The following CTNNA3 variants were observed in gnomAD, a reference collection of about 807,000 sequenced individuals.
The protein encoded by CTNNA3 is catenin alpha-3.
A neutral mutation model predicts 95.7 loss-of-function variants in CTNNA3; 76 were observed. The ratio of observed to expected loss-of-function variants is 0.79; its 90% CI spans 0.66 to 0.96. The LOEUF (loss-of-function observed/expected upper bound fraction) is 0.96. Among genes scored for constraint, CTNNA3 ranks in the 40% least tolerant of loss-of-function variants. The pLI is 0.00. For missense variants in CTNNA3, 1,191 were observed against 1,089.8 expected, an observed-to-expected ratio of 1.09 and a Z score of -1.31; for synonymous variants, 431 against 374.4, an observed-to-expected ratio of 1.15 and a Z score of -1.74.
intron 5 of CTNNA3, among the ~76,000 whole-genome samples, chr10:67,273,339 A>G (rs1294830537): frequency 6.6e-6 from 1 of 152,182 alleles, no homozygotes; most frequent in Non-Finnish European, 1.5e-5. Context: ...AGAAAGACAT[A>G]TAAATGGCCA....
intron 11 of CTNNA3, among the ~76,000 whole-genome samples, chr10:66,457,346 T>C (rs983384283): frequency 6.6e-6 from 1 of 151,810 alleles, no homozygotes; most frequent in African/African-American, 2.4e-5. Flanking sequence ...TAAAGCACTC[T>C]CGAAACTCAA....
intron 6 of CTNNA3, among the ~76,000 whole-genome samples, chr10:67,197,452 TA>T (rs546979996): frequency 6.6e-6 from 1 of 151,800 alleles, no homozygotes; most frequent in Admixed American, 6.6e-5. Context: ...AGTAGAGCAT[TA>T]AAAAAAAGTA....
chr10:66,138,719 T>A (rs1203373987), intron 13 of CTNNA3, among the ~76,000 whole-genome samples: 2 of 152,048 alleles, frequency 1.3e-5, no homozygotes, highest in Non-Finnish European at 2.9e-5. Context: ...ATCAGCCAGG[T>A]GTGGTGGCAT....
At chr10:66,049,415 G>A (rs182503684) in intron 15 of CTNNA3, among the ~76,000 whole-genome samples, 6 of 152,160 alleles carry the variant, frequency 3.9e-5, no homozygotes, top group East Asian at 1.9e-4. Flanking sequence ...ACTACCATTC[G>A]GCTCAGCAAT....
At chr10:67,109,391 A>T (rs548320825) in intron 7 of CTNNA3, among the ~76,000 whole-genome samples, 1 of 152,312 alleles carries the variant, frequency 6.6e-6, no homozygotes, top group South Asian at 2.1e-4. Flanking sequence ...ACTTCTCTTT[A>T]TGAGAATACC....
At chr10:67,581,160 G>T (rs1842379780) in intron 3 of CTNNA3, among the ~76,000 whole-genome samples, 1 of 152,116 alleles carries the variant, frequency 6.6e-6, no homozygotes, top group Admixed American at 6.5e-5. Context: ...AATGCTTCCG[G>T]TTTTCGCCCA....
intron 1 of CTNNA3, among the ~76,000 whole-genome samples, chr10:67,660,114 T>C (rs941420518): frequency 2.0e-5 from 3 of 152,222 alleles, no homozygotes; most frequent in Non-Finnish European, 2.9e-5. Flanking sequence ...CATTCTGTCA[T>C]AATCCTTGAA....
chr10:66,548,078 G>C (rs570003722), intron 10 of CTNNA3, among the ~76,000 whole-genome samples: 1 of 152,026 alleles, frequency 6.6e-6, no homozygotes, highest in Admixed American at 6.5e-5. Context: ...ACCATGTCCG[G>C]CTCCCATTTT....
chr10:67,628,878 G>C (rs531196970), intron 2 of CTNNA3, among the ~76,000 whole-genome samples: 1 of 151,304 alleles, frequency 6.6e-6, no homozygotes, highest in South Asian at 2.1e-4. Flanking sequence ...TTTCTTGAAA[G>C]CTCTTCCCAA....
At chr10:67,552,280 T>C (rs1841060893) in intron 3 of CTNNA3, among the ~76,000 whole-genome samples, 1 of 152,194 alleles carries the variant, frequency 6.6e-6, no homozygotes, top group Admixed American at 6.5e-5. Flanking sequence ...TTTTTTTCGT[T>C]GTTAGAGGTT....
chr10:67,011,006 A>T (rs1164653093), intron 7 of CTNNA3, among the ~76,000 whole-genome samples: 1 of 152,148 alleles, frequency 6.6e-6, no homozygotes, highest in Admixed American at 6.5e-5. Flanking sequence ...ATCTCATATT[A>T]TTAAACTGAA....
intron 4 of CTNNA3, among the ~76,000 whole-genome samples, chr10:67,525,953 T>C (rs1278270828): frequency 6.6e-6 from 1 of 152,194 alleles, no homozygotes; most frequent in African/African-American, 2.4e-5. Context: ...CAAAAGGGTA[T>C]ACAGTAAGTG....
chr10:67,012,318 C>A (rs918333416), intron 7 of CTNNA3: 1 of 152,198 alleles, frequency 6.6e-6, no homozygotes, highest in Non-Finnish European at 1.5e-5. Flanking sequence ...AATGCCACCA[C>A]CTCGGTGCCA....
intron 9 of CTNNA3, among the ~76,000 whole-genome samples, chr10:66,652,110 A>G (rs1845930088): frequency 6.6e-6 from 1 of 151,594 alleles, no homozygotes; most frequent in Non-Finnish European, 1.5e-5. Context: ...AAAAAAAAAA[A>G]AAAAAAAAAC....
intron 3 of CTNNA3, among the ~76,000 whole-genome samples, chr10:67,566,033 ATG>A (rs778991249): frequency 0.014 from 820 of 59,750 alleles, 111 homozygotes; most frequent in African/African-American, 0.057. Flanking sequence ...ACACACACAT[ATG>A]TGTGTGTGTA....
intron 7 of CTNNA3, among the ~76,000 whole-genome samples, chr10:66,983,490 A>G (rs1417236331): frequency 6.6e-6 from 1 of 152,176 alleles, no homozygotes; most frequent in African/African-American, 2.4e-5. Flanking sequence ...ATACAGAAGG[A>G]CTGCATTTGT....
chr10:66,102,481 G>A (rs960805457), intron 14 of CTNNA3, among the ~76,000 whole-genome samples: 6 of 152,152 alleles, frequency 3.9e-5, no homozygotes, highest in Non-Finnish European at 7.3e-5. Flanking sequence ...GGAGGTGGCA[G>A]ATGCACATGC....
chr10:67,717,559 A>G (rs1166594658), intron 1 of CTNNA3, among the ~76,000 whole-genome samples: 1 of 152,124 alleles, frequency 6.6e-6, no homozygotes, highest in Non-Finnish European at 1.5e-5. Context: ...TCCCAACACC[A>G]TTTATTAAAT....
chr10:66,773,434 C>T (rs1840174337), intron 8 of CTNNA3, among the ~76,000 whole-genome samples: 1 of 152,152 alleles, frequency 6.6e-6, no homozygotes, highest in Non-Finnish European at 1.5e-5. Flanking sequence ...ATCTAGGCTA[C>T]CCTGCTAGAG....
Sources: allele counts gnomAD v4.1 joint callset (sites outside exome capture counted in the v4.1 genomes callset), GRCh38; gene constraint gnomAD v4.1.1; transcripts MANE v1.5; gene names NCBI Gene and HGNC (gene_info 2026-07-23, HGNC 2026-07-21).